NUP155: variants seen among roughly 807,000 people sequenced by gnomAD.
NUP155 encodes nuclear pore complex protein Nup155.
NUP155 carries 71 observed loss-of-function variants against 180.4 expected under a neutral mutation model. That is an observed-to-expected ratio of 0.39 (90% confidence interval 0.33 to 0.48). The LOEUF (loss-of-function observed/expected upper bound fraction) is 0.48, where lower values mean the gene tolerates loss of function less well. Among genes scored for constraint, NUP155 ranks in the 20% least tolerant of loss-of-function variants. The pLI is 0.91. For missense variants in NUP155, 1,553 were observed against 1,648.9 expected, an observed-to-expected ratio of 0.94 and a Z score of 1.01; for synonymous variants, 582 against 559.5, an observed-to-expected ratio of 1.04 and a Z score of -0.57.
chr5:37,295,042 G>GTCCCTGTCCCTC (rs941405355), intron 32 of NUP155, among the ~76,000 whole-genome samples: 1 of 152,006 alleles, frequency 6.6e-6, no homozygotes, highest in African/African-American at 2.4e-5. Flanking sequence ...TAGGTTTCCT[G>GTCCCTGTCCCTC]TCCCTGTCCC....
chr5:37,334,199 T>G (rs369972262), intron 12 of NUP155, among the ~76,000 whole-genome samples: 2 of 151,482 alleles, frequency 1.3e-5, no homozygotes, highest in South Asian at 4.2e-4. Context: ...CCTCCCTGGG[T>G]TCAGTTGATT....
chr5:37,309,348 G>C (rs1010894133), intron 23 of NUP155, 81 bp from the exon 24 acceptor site: 8 of 1,133,058 alleles, frequency 7.1e-6, no homozygotes, highest in African/African-American at 1.6e-5. Flanking sequence ...TTTAGTCTAT[G>C]TCTAAATTTA....
chr5:37,288,220 C>A lies in NUP155; in HGVS notation c.*3680G>T, dbSNP rs1263312728. The A allele has an allele frequency of 1.3e-5, 2 of 152,094 alleles. No homozygotes were observed. The highest frequency in any genetic ancestry group is 4.8e-5 in the African/African-American group (2 of 41,406). 9.4% of individuals were successfully genotyped at this position (152,094 alleles called of 1,614,324 possible). On this transcript the variant is annotated 3_prime_UTR_variant, in exon 35 of 35. Coordinates refer to ENST00000231498, the MANE Select transcript of NUP155 (RefSeq NM_153485.3). ...AAAGAAATTGTGAACCCTTTCAAAA[C>A]CTTTCAATTCAATGTTCTAGTTCTT...
chr5:37,332,480 C>A (rs1745042861), intron 13 of NUP155, among the ~76,000 whole-genome samples: 1 of 151,860 alleles, frequency 6.6e-6, no homozygotes. Context: ...CACCACCATG[C>A]CCGGCTAAAT....
At chr5:37,339,815 G>A (rs561889805) in intron 11 of NUP155, among the ~76,000 whole-genome samples, 11 of 152,090 alleles carry the variant, frequency 7.2e-5, no homozygotes, top group African/African-American at 2.7e-4. Context: ...CCATGCTAGA[G>A]TGCAGCGGTA....
At chr5:37,362,291 GTT>G (rs200662333) in intron 3 of NUP155, among the ~76,000 whole-genome samples, 1 of 143,772 alleles carries the variant, frequency 7.0e-6, no homozygotes. Flanking sequence ...TTTCATTAGT[GTT>G]TTTTTTTTTT....
chr5:37,291,384 G>A lies in NUP155; in HGVS notation c.*516C>T, dbSNP rs917198765. 6.5e-6 allele frequency: 1 copy of A among 153,286 alleles called. No homozygotes were observed. Among genetic ancestry groups the A allele is most frequent in the African/African-American group, 2.4e-5 (1 of 41,432 alleles). The allele number at this position is 153,286 out of a possible 1,614,324, so 9.5% of individuals were successfully genotyped here. On this transcript the variant is annotated 3_prime_UTR_variant, in exon 35 of 35. Coordinates refer to ENST00000231498, the MANE Select transcript of NUP155 (RefSeq NM_153485.3). ...AGCCTCCCGAGTAGCTGGGATTACA[G>A]GCGCCCGCCACCACGCCTGGCTATT...
chr5:37,312,959 T>C (rs1299526539), intron 22 of NUP155, among the ~76,000 whole-genome samples: 2 of 152,180 alleles, frequency 1.3e-5, no homozygotes, highest in Non-Finnish European at 1.5e-5. Flanking sequence ...TGCTCTACTT[T>C]TGTATACGTT....
intron 20 of NUP155, among the ~76,000 whole-genome samples, chr5:37,322,873 T>C (rs1744338825): frequency 6.6e-6 from 1 of 151,772 alleles, no homozygotes; most frequent in African/African-American, 2.4e-5. Context: ...CTCAGGAGGC[T>C]GAGGCAGGAG....
chr5:37,299,787 C>A (rs1463377398), intron 30 of NUP155, among the ~76,000 whole-genome samples: 1 of 151,858 alleles, frequency 6.6e-6, no homozygotes, highest in Non-Finnish European at 1.5e-5. Context: ...GTAATCCCAG[C>A]ACTTTAAGAG....
intron 8 of NUP155, 70 bp downstream of exon 8, chr5:37,349,102 G>C: frequency 2.5e-6 from 1 of 395,866 alleles, no homozygotes; most frequent in Non-Finnish European, 4.6e-6. Context: ...AAATTTAAGA[G>C]GTGGGAATTG....
rs1747923180 is a variant in NUP155 at position 37,370,912 on chromosome 5, A to G, written c.66T>C (p.Ala22=). The G allele has an allele frequency of 6.2e-7, 1 of 1,614,032 alleles. No individual in the cohort carries two copies. Among genetic ancestry groups the G allele is most frequent in the African/African-American group, 1.3e-5 (1 of 74,916 alleles). ...ASTSAAALQE[A]LENAGRLIDR... ...CGATGAGCCGTCCAGCATTTTCCAG[A>G]GCTTCCTGCAGGGCTGCGGCAGATG... is the stretch of plus-strand genomic sequence containing the variant. Residue 22 remains alanine (A), a synonymous_variant, in exon 1 of 35, where the codon GCT becomes GCC. Coordinates refer to ENST00000231498, the MANE Select transcript of NUP155 (RefSeq NM_153485.3).
intron 14 of NUP155, 128 bp from the exon 15 acceptor site, chr5:37,330,260 A>ATTTC: frequency 1.4e-6 from 1 of 699,224 alleles, no homozygotes; most frequent in Non-Finnish European, 2.6e-6. Flanking sequence ...TTGCTGACTG[A>ATTTC]ATGAAATCAG....
rs1742223515 is a variant in NUP155, at chr5:37,291,358, C to A, written c.*542G>T. 6.5e-6 allele frequency: 1 copy of A among 153,318 alleles called. No individual in the cohort carries two copies. The highest frequency in any genetic ancestry group is 2.4e-5 in the African/African-American group (1 of 41,442). The allele number at this position is 153,318 out of a possible 1,614,324, so 9.5% of individuals were successfully genotyped here. A position where few individuals can be genotyped will look rare whatever the true frequency, so the allele number is the denominator to read the frequency against. ...CCGGGTTCAAGTGATTCGCCTCCCT[C>A]AGCCTCCCGAGTAGCTGGGATTACA... On this transcript the variant is annotated 3_prime_UTR_variant, in exon 35 of 35. Transcript: ENST00000231498.
At chr5:37,367,284 G>A (rs61641369) in intron 1 of NUP155, among the ~76,000 whole-genome samples, 24,298 of 151,044 alleles carry the variant, frequency 0.16, 1,994 homozygotes, top group South Asian at 0.19. Context: ...GTGCAATGGC[G>A]GCTCACTGCA....
Position 37,364,396 on chromosome 5 carries a change from A to G in NUP155, c.158-12T>C, listed in dbSNP as rs752393171. ...AACGGTGGGATTATCTACAAAAAGA[A>G]AATGAAGTATTTATAATAATGTACT... On this transcript the variant is annotated splice_polypyrimidine_tract_variant and intron_variant, in intron 1 of 34. Transcript: ENST00000231498. 3.1e-6 allele frequency: 5 copies of G among 1,610,288 alleles called. No individual in the cohort carries two copies. In the South Asian group the frequency reaches 5.5e-5, roughly 18 times the overall value.
chr5:37,349,364 C>T, intron 7 of NUP155, 119 bp from the exon 8 acceptor site: 1 of 383,528 alleles, frequency 2.6e-6, no homozygotes, highest in African/African-American at 2.1e-5. Flanking sequence ...GGGCTTTCTA[C>T]TCTCTTGCTT....
rs770110367 is a variant in NUP155, at chr5:37,364,349, A to G, written c.193T>C (p.Tyr65His). ...PTVSGMSDMD[Y>H]PLQGPGLLSV... Reference sequence around the variant, plus strand: ...AGCAAACCAGGTCCTTGCAAAGGATAATCCATATCTGACATGCCAGAAACG... The same window carrying G: ...AGCAAACCAGGTCCTTGCAAAGGATGATCCATATCTGACATGCCAGAAACG... Residue 65 changes from tyrosine to histidine, a missense_variant, in exon 2 of 35, where the codon TAT becomes CAT. Coordinates refer to ENST00000231498, the MANE Select transcript of NUP155 (RefSeq NM_153485.3). 1 of 1,611,510 alleles carries G rather than the reference A, an allele frequency of 6.2e-7. No individual in the cohort carries two copies. Among genetic ancestry groups the G allele is most frequent in the Non-Finnish European group, 8.5e-7 (1 of 1,177,580 alleles).
chr5:37,357,765 G>A (rs1259088912), intron 4 of NUP155, among the ~76,000 whole-genome samples: 6 of 151,978 alleles, frequency 3.9e-5, no homozygotes, highest in Non-Finnish European at 7.4e-5. Flanking sequence ...AGGCTGAGGC[G>A]GGCGGATCAC....
Sources: gnomAD v4.1 joint callset for allele counts (sites outside exome capture counted in the v4.1 genomes callset) on GRCh38, gnomAD v4.1.1 for gene constraint, MANE v1.5 for transcripts, NCBI Gene and HGNC (gene_info 2026-07-23, HGNC 2026-07-21) for gene names.